Variants in MAP4 observed in about 807,000 individuals in gnomAD.
MAP4 encodes microtubule associated protein 4.
MAP4 carries 76 observed loss-of-function variants against 170.2 expected under a neutral mutation model. That is an observed-to-expected ratio of 0.45 (90% CI 0.37 to 0.54). MAP4 has a LOEUF of 0.54. Ranked by LOEUF, MAP4 falls within the 20% of genes least tolerant of loss-of-function variation. The pLI is 0.00. For synonymous variants in MAP4, 909 were observed against 994.5 expected (o/e 0.91, Z 1.62); for missense variants, 2,506 against 2,748.0 (o/e 0.91, Z 1.97).
chr3:47,864,631 C>T (rs1250547084), intron 17 of MAP4, among the ~76,000 whole-genome samples: 3 of 151,826 alleles, frequency 2.0e-5, no homozygotes, highest in Admixed American at 6.6e-5. Context: ...GAGCCGAGAT[C>T]GCACCACTGC....
At chr3:48,064,834 G>T (rs1033897914) in intron 1 of MAP4, among the ~76,000 whole-genome samples, 1 of 152,092 alleles carries the variant, frequency 6.6e-6, no homozygotes, top group African/African-American at 2.4e-5. Context: ...GCAGGCAGTT[G>T]TAACACAATG....
chr3:47,889,491 T>C (rs1169443257), intron 10 of MAP4, among the ~76,000 whole-genome samples: 1 of 152,242 alleles, frequency 6.6e-6, no homozygotes, highest in Non-Finnish European at 1.5e-5. Flanking sequence ...AGATAGTGAA[T>C]GCAAATGGTA....
At chr3:47,894,320 C>T (rs915558063) in intron 10 of MAP4, among the ~76,000 whole-genome samples, 5 of 152,202 alleles carry the variant, frequency 3.3e-5, no homozygotes, top group African/African-American at 4.8e-5. Flanking sequence ...TGGTGGCTCA[C>T]GCCTGTAATC....
chr3:47,936,799 G>A (rs2100053179), intron 3 of MAP4, among the ~76,000 whole-genome samples: 1 of 151,840 alleles, frequency 6.6e-6, no homozygotes. Context: ...TGGCCAACAT[G>A]GAGAAACCCC....
rs144549772 is a variant in MAP4 at position 47,912,312 on chromosome 3, C to T, written c.2109G>A (p.Leu703=). The part of the protein sequence containing the change: ...PKPARVPPEL[L]GGSPPWKTLD... Reference sequence around the variant, plus strand: ...GAGTCTTCCATGGAGGAGAGCCTCCCAGCAGCTCAGGAGGGACCCTGGCAG... The same window carrying T: ...GAGTCTTCCATGGAGGAGAGCCTCCTAGCAGCTCAGGAGGGACCCTGGCAG... Residue 703 remains leucine, a synonymous_variant, in exon 9 of 21, where the codon CTG becomes CTA. Coordinates refer to ENST00000683076, the MANE Select transcript of MAP4 (RefSeq NM_001385682.1). 6,205 of 1,536,154 alleles carry T rather than the reference C, an allele frequency of 4.0e-3. 19 individuals carry two copies. Among genetic ancestry groups the T allele is most frequent in the Middle Eastern group, 0.012 (69 of 5,990 alleles).
At chr3:47,888,399 C>T (rs574609162) in intron 10 of MAP4, among the ~76,000 whole-genome samples, 237 of 152,288 alleles carry the variant, frequency 1.6e-3, no homozygotes, top group Non-Finnish European at 2.7e-3. Context: ...ACACTCACCG[C>T]GAAGATCTGC....
chr3:48,064,154 A>C (rs1186672045), intron 1 of MAP4, among the ~76,000 whole-genome samples: 1 of 152,204 alleles, frequency 6.6e-6, no homozygotes. Context: ...TTCTAACAAG[A>C]TTAGAAATCA....
chr3:47,994,196 TC>T (rs1320372282), intron 2 of MAP4, among the ~76,000 whole-genome samples: 3 of 152,090 alleles, frequency 2.0e-5, no homozygotes, highest in Non-Finnish European at 4.4e-5. Context: ...ACACCTATAA[TC>T]CCAGCACAAA....
chr3:47,855,207 A>G lies in MAP4; in HGVS notation c.6696+41T>C. On this transcript the variant is annotated intron_variant, in intron 19 of 20. Transcript: ENST00000683076. This position sits in a 1 kb window ranked among gnomAD's most constrained non-coding sequence, Gnocchi z 5.1. ...CCCTGACCCTAACTGCATAGTTCCC[A>G]CCCCTCCCCAGCTGTGTCTCCCCAG... 5 of 1,420,286 alleles carry G rather than the reference A, an allele frequency of 3.5e-6. No individual in the cohort carries two copies. The highest frequency in any genetic ancestry group is 5.0e-6 in the Non-Finnish European group (5 of 1,004,958). 88.0% of individuals were successfully genotyped at this position (1,420,286 alleles called of 1,614,324 possible).
At chr3:47,875,599 T>C in intron 12 of MAP4, 86 bp downstream of exon 12, 1 of 1,212,926 alleles carries the variant, frequency 8.2e-7, no homozygotes, top group Non-Finnish European at 1.2e-6. Flanking sequence ...AGCCTGATTC[T>C]GTTGTCTGTT....
chr3:47,900,522 C>T (rs897298907), intron 10 of MAP4, among the ~76,000 whole-genome samples: 1 of 151,992 alleles, frequency 6.6e-6, no homozygotes, highest in African/African-American at 2.4e-5. Flanking sequence ...GGCGCATCAC[C>T]TGCTGGAGTT....
In MAP4 at chr3:47,875,752, G is replaced by A. The variant is rs1316432193; in HGVS notation, c.5690C>T (p.Pro1897Leu). Reference sequence around the variant, plus strand: ...AGAGGCGACGGCAGGGCGTTTGGGTGGGGCAGCTGGCACTAAGCCTGAAGC... The same window carrying A: ...AGAGGCGACGGCAGGGCGTTTGGGTAGGGCAGCTGGCACTAAGCCTGAAGC... ...SLASGLVPAA[P>L]PKRPAVASAR... Residue 1897 changes from proline to leucine, a missense_variant, in exon 12 of 21, where the codon CCA becomes CTA. Physicochemically the swap from Pro to Leu is moderately conservative, Grantham distance 98. This residue lies in a region of MAP4 where 487 missense variants were observed against 511.6 expected (regional missense o/e 0.95). Transcript: ENST00000683076. 6.2e-7 allele frequency: 1 copy of A among 1,613,938 alleles called. No individual in the cohort carries two copies. Among genetic ancestry groups the A allele is most frequent in the Admixed American group, 1.7e-5 (1 of 59,958 alleles).
intron 1 of MAP4, among the ~76,000 whole-genome samples, chr3:48,074,466 GA>G (rs897093323): frequency 3.4e-5 from 4 of 116,524 alleles, no homozygotes; most frequent in African/African-American, 9.6e-5. Context: ...AATAATAAAA[GA>G]AAAAAAAACT....
At position 47,870,917 on chromosome 3, in the gene MAP4, G is replaced by C; in HGVS notation, c.6190C>G (p.Arg2064Gly). 2 of 1,613,300 alleles carry C rather than the reference G, an allele frequency of 1.2e-6. No homozygotes were observed. The highest frequency in any genetic ancestry group is 1.7e-6 in the Non-Finnish European group (2 of 1,179,520). ...GTATTGGTGGCCAGGCGGCTGAGCC[G>C]GGGGGTGGTGGAGCTGGGTTTGGCC... is the stretch of plus-strand genomic sequence containing the variant. ...TSAKPSSTTP[R>G]LSRLATNTSA... Residue 2064 changes from arginine (R) to glycine (G), a missense_variant, in exon 15 of 21, where the codon CGG (arginine) becomes GGG (glycine). By Grantham distance (125) the Arg-to-Gly change is moderately radical. Coordinates refer to ENST00000683076, the MANE Select transcript of MAP4 (RefSeq NM_001385682.1).
At chr3:47,954,406 A>G (rs1168815873) in intron 3 of MAP4, among the ~76,000 whole-genome samples, 2 of 152,192 alleles carry the variant, frequency 1.3e-5, no homozygotes, top group East Asian at 1.9e-4. Flanking sequence ...TTTGGCAGTA[A>G]TTGATCACAC....
chr3:47,922,792 G>A (rs998124079), intron 4 of MAP4, among the ~76,000 whole-genome samples: 1 of 152,224 alleles, frequency 6.6e-6, no homozygotes, highest in African/African-American at 2.4e-5. Context: ...GTTCATGCCT[G>A]TAATCCCAGC....
rs373855687 is a variant in MAP4 at position 47,868,724 on chromosome 3, T to G, written c.6408+490A>C. Among the ~76,000 whole-genome samples, 14 of 152,244 alleles carry G rather than the reference T, an allele frequency of 9.2e-5. No homozygotes were observed. The East Asian group carries it at 1.9e-3, about 21-fold the overall frequency. On this transcript the variant is annotated intron_variant, in intron 16 of 20. Transcript: ENST00000683076. ...TGGGAATGAGCATCCTAACTTTCAG[T>G]TAAGAGGTGACCCGGGGAACCAGGA...
At chr3:48,014,811 T>C (rs956659640) in intron 1 of MAP4, among the ~76,000 whole-genome samples, 5 of 152,226 alleles carry the variant, frequency 3.3e-5, no homozygotes, top group Non-Finnish European at 7.3e-5. Context: ...TTTAAAAGTA[T>C]AGAATCCTAT....
At position 47,910,447 on chromosome 3, in the gene MAP4, C is replaced by T; in HGVS notation, c.3974G>A (p.Ser1325Asn). The change falls in exon 9 of 21, where the codon AGC (serine) becomes AAC (asparagine). Residue 1325 changes from serine (S) to asparagine (N), a missense_variant. Ser to Asn is a conservative substitution (Grantham distance 46). This residue lies in a region of MAP4 where 2,008 missense variants were observed against 2,206.0 expected (regional missense o/e 0.91). Transcript: ENST00000683076. Reference protein sequence around the residue: ...TEPPAKVTDVSCQEQIQGAGF... With the variant: ...TEPPAKVTDVNCQEQIQGAGF... ...TGCCCCCTGGATTTGCTCTTGGCAG[C>T]TCACATCTGTCACCTTGGCAGGTGG... 1 of 1,536,122 alleles carries T rather than the reference C, an allele frequency of 6.5e-7. No homozygotes were observed.
Sources: gnomAD v4.1 joint callset for allele counts (sites outside exome capture counted in the v4.1 genomes callset) on GRCh38, gnomAD v4.1.1 for gene constraint, gnomAD v4.1.1 regional missense constraint, Gnocchi (gnomAD v3.1) non-coding constraint, MANE v1.5 for transcripts, NCBI Gene and HGNC (gene_info 2026-07-23, HGNC 2026-07-21) for gene names.